The following GXYLT2 variants were observed in gnomAD, a reference collection of about 807,000 sequenced individuals.
GXYLT2 encodes glucoside xylosyltransferase 2, also known as glycosyltransferase 8 domain containing 4.
In GXYLT2, 53 loss-of-function variants were observed where a neutral mutation model predicts 45.8. The ratio of observed to expected loss-of-function variants is 1.16; its 90% CI spans 0.93 to 1.46. The LOEUF (loss-of-function observed/expected upper bound fraction) is 1.46. Among genes scored for constraint, GXYLT2 ranks in the 40% most tolerant of loss-of-function variants. The pLI is 0.00. For missense variants in GXYLT2, 551 were observed against 544.4 expected (o/e 1.01, Z -0.12); for synonymous variants, 219 against 214.2 (o/e 1.02, Z -0.19).
chr3:72,902,012 T>C (rs1471728727), intron 1 of GXYLT2, among the ~76,000 whole-genome samples: 2 of 152,248 alleles, frequency 1.3e-5, no homozygotes, highest in Non-Finnish European at 2.9e-5. Flanking sequence ...ATCGTTATCA[T>C]ACTTGATTCC....
chr3:72,889,393 G>T (rs971327169), intron 1 of GXYLT2, among the ~76,000 whole-genome samples: 6 of 152,086 alleles, frequency 3.9e-5, no homozygotes, highest in African/African-American at 1.4e-4. Context: ...ATTTCAACCT[G>T]AAAGGAGTTG....
chr3:72,956,008 G>A (rs1401432767), intron 4 of GXYLT2, among the ~76,000 whole-genome samples: 1 of 152,184 alleles, frequency 6.6e-6, no homozygotes, highest in African/African-American at 2.4e-5. Flanking sequence ...AACCCGAACA[G>A]CAGAGGTTGC....
intron 5 of GXYLT2, among the ~76,000 whole-genome samples, chr3:72,966,582 A>T (rs1192834303): frequency 6.8e-6 from 1 of 147,974 alleles, no homozygotes; most frequent in Non-Finnish European, 1.5e-5. Flanking sequence ...AAGTAGCTTC[A>T]AGTGTGCCAC....
chr3:72,905,250 T>C (rs925925785), intron 1 of GXYLT2, among the ~76,000 whole-genome samples: 17 of 152,032 alleles, frequency 1.1e-4, no homozygotes, highest in Non-Finnish European at 2.5e-4. Context: ...CCCAAGTAGC[T>C]GGGATTACAG....
intron 3 of GXYLT2, among the ~76,000 whole-genome samples, chr3:72,952,614 G>T (rs1405301024): frequency 6.6e-6 from 1 of 152,126 alleles, no homozygotes; most frequent in African/African-American, 2.4e-5. Context: ...GGTTCTGGAG[G>T]CTGGAAGTCT....
chr3:72,932,448 A>G (rs757868078), intron 3 of GXYLT2, among the ~76,000 whole-genome samples: 2 of 152,192 alleles, frequency 1.3e-5, no homozygotes, highest in Non-Finnish European at 2.9e-5. Context: ...TTTTGGTGTC[A>G]TATCTAAGAA....
intron 1 of GXYLT2, among the ~76,000 whole-genome samples, chr3:72,904,333 G>T (rs367772139): frequency 6.6e-6 from 1 of 152,226 alleles, no homozygotes; most frequent in Non-Finnish European, 1.5e-5. Flanking sequence ...CCGTGCCAGT[G>T]CCCTTAAACT....
chr3:72,975,263 G>C lies in GXYLT2; in HGVS notation c.*104G>C. ...GTGTGAATATTTAATGGTGCTCCATGACTGTTGAGTTTTAAAAACCTCGTT... is the reference window on the plus strand; with the variant it reads ...GTGTGAATATTTAATGGTGCTCCATCACTGTTGAGTTTTAAAAACCTCGTT... On this transcript the variant is annotated 3_prime_UTR_variant, in exon 7 of 7. Transcript: ENST00000389617. The C allele has an allele frequency of 1.3e-6, 1 of 799,714 alleles. No individual in the cohort carries two copies. Among genetic ancestry groups the C allele is most frequent in the Non-Finnish European group, 1.8e-6 (1 of 544,518 alleles). 49.5% of individuals were successfully genotyped at this position (799,714 alleles called of 1,614,324 possible).
At chr3:72,960,065 C>T (rs1710740218) in intron 5 of GXYLT2, among the ~76,000 whole-genome samples, 1 of 152,200 alleles carries the variant, frequency 6.6e-6, no homozygotes, top group Admixed American at 6.5e-5. Flanking sequence ...TCTGCCTCAG[C>T]CTCCCGAGCA....
At chr3:72,929,002 A>C in intron 3 of GXYLT2, 1 of 1,226,016 alleles carries the variant, frequency 8.2e-7, no homozygotes, top group Non-Finnish European at 1.2e-6. Context: ...CCGCCGCTCC[A>C]GCGCCGCGCA....
At chr3:72,967,397 G>A (rs1710886549) in intron 5 of GXYLT2, 150 bp from the exon 6 acceptor site, 5 of 541,634 alleles carry the variant, frequency 9.2e-6, no homozygotes, top group South Asian at 2.9e-5. Context: ...GACAAATGGG[G>A]CAAAATTTGA....
chr3:72,907,703 C>G (rs1017670595), intron 1 of GXYLT2, among the ~76,000 whole-genome samples: 7 of 152,142 alleles, frequency 4.6e-5, no homozygotes, highest in East Asian at 1.9e-4. Flanking sequence ...CTGCCTGTTT[C>G]TCATTAATGT....
chr3:72,935,367 CTT>C (rs1266025682), intron 3 of GXYLT2, among the ~76,000 whole-genome samples: 1 of 152,084 alleles, frequency 6.6e-6, no homozygotes, highest in African/African-American at 2.4e-5. Context: ...TGATCAGAAA[CTT>C]AGAGGACTGG....
rs142498109 is a variant in GXYLT2, at chr3:72,898,455, A to G, written c.276-9912A>G. ...AAGAAGAAGGAGATGGAGAAATAGA[A>G]TCTCCTATATGTCAGGAACAATCAT... is the stretch of plus-strand genomic sequence containing the variant. On this transcript the variant is annotated intron_variant, in intron 1 of 6. Coordinates refer to ENST00000389617, the MANE Select transcript of GXYLT2 (RefSeq NM_001080393.2). Among the ~76,000 whole-genome samples the G allele has an allele frequency of 5.7e-3, 874 of 152,360 alleles. 12 individuals are homozygous for G. The highest frequency in any genetic ancestry group is 0.02 in the African/African-American group (832 of 41,576).
At chr3:72,910,594 G>T (rs185701248) in intron 2 of GXYLT2, among the ~76,000 whole-genome samples, 1 of 152,206 alleles carries the variant, frequency 6.6e-6, no homozygotes, top group African/African-American at 2.4e-5. Flanking sequence ...CTTCCCAGGG[G>T]ACAGAGCCTC....
chr3:72,962,717 A>G (rs1418237828), intron 5 of GXYLT2, among the ~76,000 whole-genome samples: 2 of 152,194 alleles, frequency 1.3e-5, no homozygotes, highest in African/African-American at 4.8e-5. Flanking sequence ...AGGAGGTAGA[A>G]GGTAGACTCC....
intron 3 of GXYLT2, among the ~76,000 whole-genome samples, chr3:72,943,501 C>T (rs879720652): frequency 1.1e-4 from 17 of 151,750 alleles, no homozygotes; most frequent in Non-Finnish European, 1.5e-4. Context: ...CTCAGCCTCC[C>T]GAGTAGCTGG....
intron 3 of GXYLT2, among the ~76,000 whole-genome samples, chr3:72,950,878 G>A (rs1045815273): frequency 1.3e-5 from 2 of 152,222 alleles, no homozygotes; most frequent in African/African-American, 4.8e-5. Flanking sequence ...AGGGTTCACT[G>A]GAGGTGGGTG....
At chr3:72,901,459 G>T (rs1374762923) in intron 1 of GXYLT2, among the ~76,000 whole-genome samples, 53 of 123,224 alleles carry the variant, frequency 4.3e-4, no homozygotes, top group Admixed American at 8.2e-5. Flanking sequence ...GCAAGACTCT[G>T]CATCAAAAGA....
Sources: allele counts gnomAD v4.1 joint callset (sites outside exome capture counted in the v4.1 genomes callset), GRCh38; gene constraint gnomAD v4.1.1; transcripts MANE v1.5; gene names NCBI Gene and HGNC (gene_info 2026-07-23, HGNC 2026-07-21).